Variants in OAS2 observed in about 807,000 individuals in gnomAD.
OAS2 encodes the protein 2'-5'-oligoadenylate synthase 2.
In OAS2, 67 loss-of-function variants were observed where a neutral mutation model predicts 71.3. The observed-to-expected ratio is 0.94, with a 90% confidence interval of 0.77 to 1.15. The LOEUF (loss-of-function observed/expected upper bound fraction) is 1.15. Ranked by LOEUF, OAS2 falls within the 50% of genes most tolerant of loss-of-function variation. The pLI, the probability that OAS2 is intolerant of heterozygous loss-of-function variation, is 0.00. For synonymous variants in OAS2, 327 were observed against 321.8 expected, an observed-to-expected ratio of 1.02 and a Z score of -0.17; for missense variants, 789 against 822.5, an observed-to-expected ratio of 0.96 and a Z score of 0.50.
chr12:113,010,053 G>T lies in OAS2; in HGVS notation c.*798G>T. ...GGATGTTGAGCAGCATCTCTGGCCT[G>T]TACCCAGTAGATGCCACCCAGTTGT... On this transcript the variant is annotated 3_prime_UTR_variant, in exon 10 of 10. Coordinates refer to ENST00000392583, the MANE Select transcript of OAS2 (RefSeq NM_002535.3). 9.9e-7 allele frequency: 1 copy of T among 1,009,196 alleles called. No individual in the cohort carries two copies. Among genetic ancestry groups the T allele is most frequent in the Non-Finnish European group, 1.2e-6 (1 of 838,194 alleles). 62.5% of individuals were successfully genotyped at this position (1,009,196 alleles called of 1,614,324 possible). A position where few individuals can be genotyped will look rare whatever the true frequency, so the allele number is the denominator to read the frequency against.
At position 112,998,398 on chromosome 12, in the gene OAS2, T is replaced by C. The variant is rs1034168343; in HGVS notation, c.996T>C (p.Ser332=). Residue 332 remains serine, a synonymous_variant, in exon 5 of 10, where the codon TCT becomes TCC. Coordinates refer to ENST00000392583, the MANE Select transcript of OAS2 (RefSeq NM_002535.3). ...PNLDNELPAP[S]WNVLPAPLFT... ...TGGATAATGAGTTACCTGCACCATCTTGGAATGTTCTGGTAAGAGGGTTTT... is the reference window on the plus strand; with the variant it reads ...TGGATAATGAGTTACCTGCACCATCCTGGAATGTTCTGGTAAGAGGGTTTT... The C allele has an allele frequency of 1.1e-5, 17 of 1,610,746 alleles. No individual in the cohort carries two copies. The highest frequency in any genetic ancestry group is 1.4e-5 in the Non-Finnish European group (16 of 1,179,202).
At chr12:112,982,931 A>G (rs2044097347) in intron 1 of OAS2, among the ~76,000 whole-genome samples, 3 of 152,118 alleles carry the variant, frequency 2.0e-5, no homozygotes, top group Non-Finnish European at 2.9e-5. Flanking sequence ...GAATTTATCC[A>G]TCTCCTCTAG....
intron 2 of OAS2, chr12:112,987,729 G>A: frequency 9.8e-7 from 1 of 1,024,744 alleles, no homozygotes; most frequent in Non-Finnish European, 1.2e-6. Flanking sequence ...GTTAGAGTAA[G>A]AGGATGAGGC....
chr12:112,998,770 T>C (rs1306391737), intron 5 of OAS2, among the ~76,000 whole-genome samples: 1 of 152,184 alleles, frequency 6.6e-6, no homozygotes, highest in Non-Finnish European at 1.5e-5. Context: ...ACCTTCCCTC[T>C]GTGCATGTCT....
At chr12:113,006,982 C>T (rs561149720) in intron 8 of OAS2, among the ~76,000 whole-genome samples, 24 of 152,262 alleles carry the variant, frequency 1.6e-4, no homozygotes, top group African/African-American at 5.1e-4. Flanking sequence ...TAGGTGGAAC[C>T]GGGGCTGCAT....
rs1395429406 is a variant in OAS2, at chr12:113,009,605, A to G, written c.*350A>G. 1 of 1,011,202 alleles carries G rather than the reference A, an allele frequency of 9.9e-7. No homozygotes were observed. The highest frequency in any genetic ancestry group is 1.2e-6 in the Non-Finnish European group (1 of 847,376). The allele number at this position is 1,011,202 out of a possible 1,614,324, so 62.6% of individuals were successfully genotyped here. On this transcript the variant is annotated 3_prime_UTR_variant, in exon 10 of 10. Coordinates refer to ENST00000392583, the MANE Select transcript of OAS2 (RefSeq NM_002535.3). ...TCCACCCTCTTTAGCTGTTAATTTG[A>G]GTACTTATGGCCCTGAAAGCGGCCA...
intron 2 of OAS2, among the ~76,000 whole-genome samples, chr12:112,994,332 G>A (rs952492338): frequency 3.9e-5 from 6 of 152,200 alleles, no homozygotes; most frequent in Admixed American, 6.5e-5. Flanking sequence ...ACTTGTTTCC[G>A]CCATTGGCTT....
At chr12:113,006,268 C>T in intron 7 of OAS2, 145 bp from the exon 8 acceptor site, 1 of 594,754 alleles carries the variant, frequency 1.7e-6, no homozygotes, top group Non-Finnish European at 2.7e-6. Flanking sequence ...GAGATGCTCC[C>T]TGTGTCTTAG....
At chr12:112,987,329 G>A (rs1210411993) in intron 2 of OAS2, 21 bp downstream of exon 2, 2 of 1,613,600 alleles carry the variant, frequency 1.2e-6, no homozygotes, top group African/African-American at 1.3e-5. Flanking sequence ...CTGGGTGTCA[G>A]GAGAGAAAAG....
chr12:112,996,713 A>G (rs1635142), intron 3 of OAS2, among the ~76,000 whole-genome samples: 120,291 of 151,950 alleles, frequency 0.79, 48,679 homozygotes, highest in East Asian at 1. Flanking sequence ...AAATCAACAC[A>G]TGGAGGCTGT....
Position 113,003,241 on chromosome 12 carries a change from A to C in OAS2, c.1179+139A>C, listed in dbSNP as rs533081787. On this transcript the variant is annotated intron_variant, in intron 6 of 9. Transcript: ENST00000392583. Reference sequence around the variant, plus strand: ...AGGAAGGGAAGCCAGGAGTTAAGGGAACTAGGACACTAGTTTTCAGGGGGG... The same window carrying C: ...AGGAAGGGAAGCCAGGAGTTAAGGGCACTAGGACACTAGTTTTCAGGGGGG... 3 of 857,336 alleles carry C rather than the reference A, an allele frequency of 3.5e-6. No individual in the cohort carries two copies. The South Asian group carries it at 4.9e-5, about 14-fold the overall frequency. The allele number at this position is 857,336 out of a possible 1,614,324, so 53.1% of individuals were successfully genotyped here. A position where few individuals can be genotyped will look rare whatever the true frequency, so the allele number is the denominator to read the frequency against.
chr12:113,007,607 C>A, intron 8 of OAS2, 98 bp from the exon 9 acceptor site: 2 of 958,954 alleles, frequency 2.1e-6, no homozygotes, highest in Non-Finnish European at 3.3e-6. Flanking sequence ...AGCACACCAG[C>A]ACGACACTGT....
Position 112,978,853 on chromosome 12 carries a change from A to C in OAS2, c.177+68A>C. The C allele has an allele frequency of 6.7e-7, 1 of 1,490,858 alleles. No individual in the cohort carries two copies. Among genetic ancestry groups the C allele is most frequent in the Non-Finnish European group, 9.1e-7 (1 of 1,095,036 alleles). The allele number at this position is 1,490,858 out of a possible 1,614,324, so 92.4% of individuals were successfully genotyped here. ...TCCACGGCGGCAGCAAGGCCGAGCT[A>C]CTGGGTGCTGGGTGCCTATTATGTG... On this transcript the variant is annotated intron_variant, in intron 1 of 9. Coordinates refer to ENST00000392583, the MANE Select transcript of OAS2 (RefSeq NM_002535.3). This position sits in a 1 kb window ranked among gnomAD's most constrained non-coding sequence, Gnocchi z 4.2.
intron 1 of OAS2, 102 bp from the exon 2 acceptor site, chr12:112,986,936 C>A: frequency 6.8e-7 from 1 of 1,467,566 alleles, no homozygotes; most frequent in Non-Finnish European, 9.2e-7. Flanking sequence ...AATGTTAAGA[C>A]CATTTTTGGC....
chr12:113,004,923 T>C lies in OAS2; in HGVS notation c.1180-11T>C. 6.2e-7 allele frequency: 1 copy of C among 1,611,040 alleles called. No homozygotes were observed. Among genetic ancestry groups the C allele is most frequent in the East Asian group, 2.2e-5 (1 of 44,820 alleles). On this transcript the variant is annotated splice_polypyrimidine_tract_variant and intron_variant, in intron 6 of 9. Transcript: ENST00000392583. Reference sequence around the variant, plus strand: ...GGAAATTCTGGATCTCAACCTTCCTTTCTTCCTTAGGGAGGATCAACCGCC... The same window carrying C: ...GGAAATTCTGGATCTCAACCTTCCTCTCTTCCTTAGGGAGGATCAACCGCC...
chr12:112,992,231 C>A (rs1229285634), intron 2 of OAS2, among the ~76,000 whole-genome samples: 1 of 151,764 alleles, frequency 6.6e-6, no homozygotes, highest in Non-Finnish European at 1.5e-5. Flanking sequence ...CCCATCTCTA[C>A]AAAAGAATTA....
At chr12:112,980,095 C>T (rs1007760995) in intron 1 of OAS2, among the ~76,000 whole-genome samples, 3 of 151,562 alleles carry the variant, frequency 2.0e-5, no homozygotes, top group African/African-American at 4.8e-5. Flanking sequence ...TGTGAATATT[C>T]CACATTTGTC....
chr12:113,005,310 A>G, intron 7 of OAS2, 88 bp downstream of exon 7: 1 of 1,326,794 alleles, frequency 7.5e-7, no homozygotes, highest in South Asian at 1.4e-5. Context: ...CTCTGAAAAC[A>G]TGTGCCACTC....
At chr12:112,988,344 C>T (rs1167832290) in intron 2 of OAS2, 18 of 484,952 alleles carry the variant, frequency 3.7e-5, no homozygotes, top group Non-Finnish European at 4.8e-5. Flanking sequence ...AACACAGCCA[C>T]GTGGTGGAAG....
Sources: gnomAD v4.1 joint callset for allele counts (sites outside exome capture counted in the v4.1 genomes callset) on GRCh38, gnomAD v4.1.1 for gene constraint, Gnocchi (gnomAD v3.1) non-coding constraint, MANE v1.5 for transcripts, NCBI Gene and HGNC (gene_info 2026-07-23, HGNC 2026-07-21) for gene names.